FGF13: variants seen among roughly 807,000 people sequenced by gnomAD.
FGF13 encodes fibroblast growth factor homologous factor 2.
FGF13 carries 2 observed loss-of-function variants against 19.5 expected under a neutral mutation model. That is an observed-to-expected ratio of 0.10 (90% CI 0.04 to 0.32). The LOEUF (loss-of-function observed/expected upper bound fraction) is 0.32. FGF13 is among the 10% of genes least tolerant of loss of function. FGF13 has a pLI of 1.00. For missense variants in FGF13, 113 were observed against 192.7 expected, an observed-to-expected ratio of 0.59 and a Z score of 2.45; for synonymous variants, 72 against 76.9, an observed-to-expected ratio of 0.94 and a Z score of 0.33.
At chrX:138,754,682 A>G (rs1443126595) in intron 3 of FGF13, among the ~76,000 whole-genome samples, 3 of 111,420 alleles carry the variant, frequency 2.7e-5, no homozygotes, top group Non-Finnish European at 5.6e-5. Flanking sequence ...GTGCCTCACT[A>G]TGTTTAAATA....
At chrX:139,006,944 C>T (rs2092103976) in intron 1 of FGF13, among the ~76,000 whole-genome samples, 1 of 111,418 alleles carries the variant, frequency 9.0e-6, no homozygotes, top group African/African-American at 3.3e-5. Flanking sequence ...GCAAACACTA[C>T]AAAACAACCA....
intron 1 of FGF13, among the ~76,000 whole-genome samples, chrX:138,727,040 G>A (rs1425549162): frequency 2.7e-5 from 3 of 110,808 alleles, no homozygotes; most frequent in Admixed American, 9.6e-5. Context: ...ATCTGTAATC[G>A]TTACAATAAT....
chrX:138,791,325 G>A (rs1319226601), intron 3 of FGF13, among the ~76,000 whole-genome samples: 1 of 111,895 alleles, frequency 8.9e-6, no homozygotes, highest in African/African-American at 3.3e-5. Context: ...CCAACTGATG[G>A]CTGTAGTTAG....
chrX:138,730,909 G>A (rs1341800108), intron 1 of FGF13, among the ~76,000 whole-genome samples: 1 of 111,304 alleles, frequency 9.0e-6, no homozygotes, highest in African/African-American at 3.3e-5. Flanking sequence ...TCCTAACAAA[G>A]ATGGTGTGGC....
intron 1 of FGF13, among the ~76,000 whole-genome samples, chrX:139,154,803 C>T (rs17002011): frequency 3.7e-3 from 411 of 111,821 alleles, no homozygotes; most frequent in African/African-American, 0.013. Flanking sequence ...AAGCAGCTAC[C>T]ATGTCTTGGG....
At chrX:138,678,917 C>A (rs2089700370) in intron 3 of FGF13, among the ~76,000 whole-genome samples, 1 of 112,015 alleles carries the variant, frequency 8.9e-6, no homozygotes, top group Admixed American at 9.5e-5. Flanking sequence ...CTACATGAGC[C>A]TCAAGAAATG....
intron 1 of FGF13, among the ~76,000 whole-genome samples, chrX:139,023,487 G>A (rs1006439612): frequency 5.4e-5 from 6 of 110,132 alleles, no homozygotes; most frequent in African/African-American, 2.0e-4. Context: ...AGAGAGAGAA[G>A]GGAAGAGAGA....
chrX:138,616,520 G>C lies in FGF13; in HGVS notation c.*16330C>G, dbSNP rs910881418. The C allele has an allele frequency of 9.8e-5, 11 of 112,774 alleles. No homozygotes were observed. The highest frequency in any genetic ancestry group is 3.5e-4 in the African/African-American group (11 of 31,062). The allele number at this position is 112,774 out of a possible 1,213,427, so 9.3% of individuals were successfully genotyped here. On this transcript the variant is annotated 3_prime_UTR_variant, in exon 5 of 5. Coordinates refer to ENST00000315930, the MANE Select transcript of FGF13 (RefSeq NM_004114.5). ...ACAGCTCTTTTCATGGGCTGGTGTT[G>C]AGTGCCAGTGGCTTTTCCAGGTGCA...
chrX:139,096,589 T>C (rs1184070597), intron 1 of FGF13, among the ~76,000 whole-genome samples: 1 of 111,895 alleles, frequency 8.9e-6, no homozygotes, highest in African/African-American at 3.2e-5. Flanking sequence ...AAGATAATTA[T>C]ATGACTAATA....
At chrX:138,648,665 G>T (rs754441793) in intron 3 of FGF13, among the ~76,000 whole-genome samples, 1 of 110,780 alleles carries the variant, frequency 9.0e-6, no homozygotes, top group Non-Finnish European at 1.9e-5. Flanking sequence ...TGCAGTTCTC[G>T]AACATCCCAG....
chrX:138,959,986 CTG>C (rs2124301516), intron 1 of FGF13, among the ~76,000 whole-genome samples: 1 of 112,054 alleles, frequency 8.9e-6, no homozygotes, highest in African/African-American at 3.2e-5. Flanking sequence ...ATTTGCCAGT[CTG>C]TGTCTTTTAA....
intron 1 of FGF13, among the ~76,000 whole-genome samples, chrX:139,046,785 T>C (rs1035168846): frequency 1.8e-5 from 2 of 111,376 alleles, no homozygotes; most frequent in African/African-American, 6.6e-5. Flanking sequence ...ATCATCAAAA[T>C]TGAAAAACCT....
intron 1 of FGF13, among the ~76,000 whole-genome samples, chrX:138,868,974 T>C (rs769014463): frequency 9.9e-5 from 11 of 111,299 alleles, no homozygotes; most frequent in Non-Finnish European, 2.1e-4. Context: ...AAAATTATAG[T>C]GCAAATGTTG....
chrX:138,715,684 T>G (rs967673645), upstream of FGF13, among the ~76,000 whole-genome samples: 4 of 112,424 alleles, frequency 3.6e-5, no homozygotes, highest in African/African-American at 9.7e-5. Flanking sequence ...TCTTCCCCTC[T>G]TCATACTTCC....
At chrX:138,829,191 T>C (rs1052844836) in intron 3 of FGF13, among the ~76,000 whole-genome samples, 3 of 111,849 alleles carry the variant, frequency 2.7e-5, no homozygotes, top group African/African-American at 6.5e-5. Flanking sequence ...GATGCTGCTA[T>C]AGTTTGGGTA....
chrX:138,630,556 T>G lies in FGF13; in HGVS notation c.*2294A>C, dbSNP rs946155442. ...AGGATGAAGCAGGATGAGGAGGACT[T>G]ATCTCATGAAATTACAAGGTGACTT... is the stretch of plus-strand genomic sequence containing the variant. On this transcript the variant is annotated 3_prime_UTR_variant, in exon 5 of 5. Coordinates refer to ENST00000315930, the MANE Select transcript of FGF13 (RefSeq NM_004114.5). 1 of 109,369 alleles carries G rather than the reference T, an allele frequency of 9.1e-6. No individual in the cohort carries two copies. Among genetic ancestry groups the G allele is most frequent in the Non-Finnish European group, 1.9e-5 (1 of 52,640 alleles). 9.0% of individuals were successfully genotyped at this position (109,369 alleles called of 1,213,427 possible).
intron 1 of FGF13, among the ~76,000 whole-genome samples, chrX:139,108,207 GAC>G (rs1217930750): frequency 2.7e-5 from 3 of 112,140 alleles, no homozygotes; most frequent in Non-Finnish European, 5.6e-5. Flanking sequence ...CATCAAATAA[GAC>G]ACAGAAACCT....
chrX:138,707,401 C>T (rs1602726677), intron 2 of FGF13, among the ~76,000 whole-genome samples: 2 of 111,175 alleles, frequency 1.8e-5, no homozygotes, highest in Non-Finnish European at 3.8e-5. Flanking sequence ...TAATCATGAA[C>T]TTGCCTTCAA....
chrX:138,829,504 A>G (rs1199637364), intron 3 of FGF13, among the ~76,000 whole-genome samples: 1 of 111,503 alleles, frequency 9.0e-6, no homozygotes, highest in East Asian at 2.8e-4. Flanking sequence ...AGATGTAGAT[A>G]CCAGTGCCAT....
Sources: allele counts gnomAD v4.1 joint callset (sites outside exome capture counted in the v4.1 genomes callset), GRCh38; gene constraint gnomAD v4.1.1; transcripts MANE v1.5; gene names NCBI Gene and HGNC (gene_info 2026-07-23, HGNC 2026-07-21).